ZXDA: variants seen among roughly 807,000 people sequenced by gnomAD.
ZXDA encodes zinc finger X-linked protein ZXDA.
ZXDA carries 5 observed loss-of-function variants against 10.1 expected under a neutral mutation model. The observed-to-expected ratio is 0.50, with a 90% CI of 0.26 to 1.04. ZXDA has a LOEUF of 1.04. Ranked by LOEUF, ZXDA falls within the 50% of genes least tolerant of loss-of-function variation. The pLI is 0.14. For synonymous variants in ZXDA, 266 were observed against 313.1 expected (o/e 0.85, Z 1.59); for missense variants, 501 against 672.4 (o/e 0.75, Z 2.82).
Position 57,907,207 on chromosome X carries a change from G to A in ZXDA, c.*814C>T, listed in dbSNP as rs1234030352. ...CTCCCCTTTGAGGAGGGAAAACAAG[G>A]GGCAGGAAAGGGAATGAAGATTCAC... On this transcript the variant is annotated 3_prime_UTR_variant, in exon 1 of 1. Coordinates refer to ENST00000358697, the MANE Select transcript of ZXDA (RefSeq NM_007156.5). The A allele has an allele frequency of 1.1e-4, 12 of 112,594 alleles. No homozygotes were observed. Among genetic ancestry groups the A allele is most frequent in the Non-Finnish European group, 2.3e-4 (12 of 53,249 alleles). The allele number at this position is 112,594 out of a possible 1,213,427, so 9.3% of individuals were successfully genotyped here.
chrX:57,909,969 G>A lies in ZXDA; in HGVS notation c.452C>T (p.Pro151Leu), dbSNP rs1223366178. ...CGCGGCGGGGCCGGGGGCGGAGATC[G>A]GGGCCGGAGTGGGAACCGCGGACAG... Reference protein sequence around the residue: ...HCLSAVPTPAPISAPGPAAAF... With the variant: ...HCLSAVPTPALISAPGPAAAF... Residue 151 changes from proline to leucine, a missense_variant, in exon 1 of 1, where the codon CCG becomes CTG. Pro to Leu is a moderately conservative substitution (Grantham distance 98). Coordinates refer to ENST00000358697, the MANE Select transcript of ZXDA (RefSeq NM_007156.5). 1 of 1,147,480 alleles carries A rather than the reference G, an allele frequency of 8.7e-7. No homozygotes were observed. The highest frequency in any genetic ancestry group is 1.2e-6 in the Non-Finnish European group (1 of 868,188). 94.6% of individuals were successfully genotyped at this position (1,147,480 alleles called of 1,213,427 possible). A position where few individuals can be genotyped will look rare whatever the true frequency, so the allele number is the denominator to read the frequency against.
rs746686550 is a variant in ZXDA, at chrX:57,908,121, T to C, written c.2300A>G (p.Glu767Gly). ...VHPNSDFFGQ[E>G]GETQFGFPNA... ...GGGGAATCCAAACTGGGTTTCTCCC[T>C]CCTGTCCAAAGAAGTCAGAGTTAGG... Residue 767 changes from glutamate to glycine, a missense_variant, in exon 1 of 1, where the codon GAG becomes GGG. Coordinates refer to ENST00000358697, the MANE Select transcript of ZXDA (RefSeq NM_007156.5). 5.3e-5 allele frequency: 64 copies of C among 1,210,645 alleles called. No individual in the cohort carries two copies. The Admixed American group carries it at 1.4e-3, about 26-fold the overall frequency.
chrX:57,909,641 A>G lies in ZXDA; in HGVS notation c.780T>C (p.Ser260=), dbSNP rs757704103. ...ACAGGTACAGCACCACGCCTGGACCAGAGCCCAGCAGTCCGCGGGGGCCCA... is the reference window on the plus strand; with the variant it reads ...ACAGGTACAGCACCACGCCTGGACCGGAGCCCAGCAGTCCGCGGGGGCCCA... The part of the protein sequence containing the change: ...AALGPRGLLG[S]GPGVVLYLCP... The change falls in exon 1 of 1, where the codon TCT becomes TCC. Residue 260 remains serine, a synonymous_variant. Coordinates refer to ENST00000358697, the MANE Select transcript of ZXDA (RefSeq NM_007156.5). 2.1e-4 allele frequency: 251 copies of G among 1,193,377 alleles called. 1 individual carries two copies. The highest frequency in any genetic ancestry group is 1.8e-3 in the Admixed American group (81 of 43,807).
Position 57,909,769 on chromosome X carries a change from C to T in ZXDA, c.652G>A (p.Gly218Ser), listed in dbSNP as rs1297395072. ...QAGFPQAAHP[G>S]DCPELRSDLL... ...TCGGACCGCAGCTCTGGGCAGTCAC[C>T]CGGGTGCGCGGCTTGCGGGAACCCA... Residue 218 changes from glycine to serine, a missense_variant, in exon 1 of 1, where the codon GGT (glycine) becomes AGT (serine). Physicochemically the swap from Gly to Ser is moderately conservative, Grantham distance 56. Transcript: ENST00000358697. The T allele has an allele frequency of 1.7e-6, 2 of 1,196,159 alleles. No homozygotes were observed. Among genetic ancestry groups the T allele is most frequent in the Non-Finnish European group, 2.2e-6 (2 of 889,208 alleles).
rs1447726510 is a variant in ZXDA at position 57,910,088 on chromosome X, A to T, written c.333T>A (p.Pro111=). 1.2e-5 allele frequency: 14 copies of T among 1,193,100 alleles called. No homozygotes were observed. The highest frequency in any genetic ancestry group is 1.5e-5 in the Non-Finnish European group (13 of 891,031). ...ETAGSGQAAG[P]VLREEAKAGP... is the part of the protein sequence containing the mutation. ...CCGCCTTGGCCTCCTCCCTCAACACAGGCCCTGCGGCCTGACCGGAGCCCG... is the reference window on the plus strand; with the variant it reads ...CCGCCTTGGCCTCCTCCCTCAACACTGGCCCTGCGGCCTGACCGGAGCCCG... Residue 111 remains proline, a synonymous_variant, in exon 1 of 1, where the codon CCT becomes CCA. Coordinates refer to ENST00000358697, the MANE Select transcript of ZXDA (RefSeq NM_007156.5).
Position 57,909,551 on chromosome X carries a change from C to T in ZXDA, c.870G>A (p.Thr290=), listed in dbSNP as rs2014399188. 2 of 1,206,093 alleles carry T rather than the reference C, an allele frequency of 1.7e-6. No homozygotes were observed. Among genetic ancestry groups the T allele is most frequent in the Non-Finnish European group, 2.2e-6 (2 of 893,101 alleles). The part of the protein sequence containing the change: ...KKHQLKMHLL[T]HSSSQGQRPF... ...GCCTCTGGCCCTGGCTGCTGCTGTG[C>T]GTCAGCAGGTGCATCTTCAGCTGGT... is the stretch of plus-strand genomic sequence containing the variant. Residue 290 remains threonine (T), a synonymous_variant, in exon 1 of 1, where the codon ACG becomes ACA. Transcript: ENST00000358697.
At position 57,910,255 on chromosome X, in the gene ZXDA, C is replaced by T; in HGVS notation, c.166G>A (p.Gly56Arg). 1 of 1,117,599 alleles carries T rather than the reference C, an allele frequency of 8.9e-7. No individual in the cohort carries two copies. The allele number at this position is 1,117,599 out of a possible 1,213,427, so 92.1% of individuals were successfully genotyped here. A position where few individuals can be genotyped will look rare whatever the true frequency, so the allele number is the denominator to read the frequency against. ...GTGCTGGCCTCCTCGCGCCGCCGCCCGGGCCCGCCATCTTGGGGGCCCCGG... is the reference window on the plus strand; with the variant it reads ...GTGCTGGCCTCCTCGCGCCGCCGCCTGGGCCCGCCATCTTGGGGGCCCCGG... ...LPRGPQDGGP[G>R]RRREEASTAS... The change falls in exon 1 of 1, where the codon GGG (glycine) becomes AGG (arginine). Residue 56 changes from glycine (G) to arginine (R), a missense_variant. Gly to Arg is a moderately radical substitution (Grantham distance 125, BLOSUM62 -2). Coordinates refer to ENST00000358697, the MANE Select transcript of ZXDA (RefSeq NM_007156.5).
Position 57,909,321 on chromosome X carries a change from T to C in ZXDA, c.1100A>G (p.Glu367Gly), listed in dbSNP as rs1318854890. 3.1e-5 allele frequency: 38 copies of C among 1,212,068 alleles called. No individual in the cohort carries two copies. Among genetic ancestry groups the C allele is most frequent in the Non-Finnish European group, 4.2e-5 (38 of 895,605 alleles). Residue 367 changes from glutamate to glycine, a missense_variant, in exon 1 of 1, where the codon GAG (glutamate) becomes GGG (glycine). Glu to Gly is a moderately conservative substitution (Grantham distance 98, BLOSUM62 -2). Transcript: ENST00000358697. ...ENSFKCEVCE[E>G]SFPTQAKLGA... ...GAGTTTGGCCTGCGTGGGGAAGCTCTCCTCGCACACCTCACATTTGAACGA... is the reference window on the plus strand; with the variant it reads ...GAGTTTGGCCTGCGTGGGGAAGCTCCCCTCGCACACCTCACATTTGAACGA...
In ZXDA at chrX:57,907,956, C is replaced by T. The variant is rs767340192; in HGVS notation, c.*65G>A. Reference sequence around the variant, plus strand: ...AATGACTGCACTTAAATATTTAGTCCAGAATATCCTCAAAATTGACTGTAA... The same window carrying T: ...AATGACTGCACTTAAATATTTAGTCTAGAATATCCTCAAAATTGACTGTAA... On this transcript the variant is annotated 3_prime_UTR_variant, in exon 1 of 1. Coordinates refer to ENST00000358697, the MANE Select transcript of ZXDA (RefSeq NM_007156.5). The T allele has an allele frequency of 1.6e-3, 1,879 of 1,140,901 alleles. 2 individuals are homozygous for T. The highest frequency in any genetic ancestry group is 2.0e-3 in the Non-Finnish European group (1,714 of 856,956). 94.0% of individuals were successfully genotyped at this position (1,140,901 alleles called of 1,213,427 possible). A position where few individuals can be genotyped will look rare whatever the true frequency, so the allele number is the denominator to read the frequency against.
In ZXDA at chrX:57,907,699, C is replaced by T; in HGVS notation, c.*322G>A. On this transcript the variant is annotated 3_prime_UTR_variant, in exon 1 of 1. Transcript: ENST00000358697. Reference sequence around the variant, plus strand: ...CAAACAATAATAATTGCAAAATGCCCGAAAATTTTCAAGAAAAAGCACAAA... The same window carrying T: ...CAAACAATAATAATTGCAAAATGCCTGAAAATTTTCAAGAAAAAGCACAAA... The T allele has an allele frequency of 5.1e-6, 1 of 197,603 alleles. No homozygotes were observed. Among genetic ancestry groups the T allele is most frequent in the Non-Finnish European group, 9.3e-6 (1 of 107,782 alleles). The allele number at this position is 197,603 out of a possible 1,213,427, so 16.3% of individuals were successfully genotyped here.
At position 57,908,320 on chromosome X, in the gene ZXDA, G is replaced by A. The variant is rs1305154799; in HGVS notation, c.2101C>T (p.Pro701Ser). The change falls in exon 1 of 1, where the codon CCA becomes TCA. Residue 701 changes from proline (P) to serine (S), a missense_variant. Around this residue, in one of 5 missense-constraint regions of ZXDA, gnomAD observed 18 missense variants for 92.7 expected, o/e 0.19. Coordinates refer to ENST00000358697, the MANE Select transcript of ZXDA (RefSeq NM_007156.5). ...MDEVSSVSVG[P>S]LGSLDSLAMK... ...GCCAAAGAGTCCAGAGATCCCAATGGCCCCACACTTACACTTGAGACCTCA... is the reference window on the plus strand; with the variant it reads ...GCCAAAGAGTCCAGAGATCCCAATGACCCCACACTTACACTTGAGACCTCA... The A allele has an allele frequency of 2.1e-5, 25 of 1,195,700 alleles. No homozygotes were observed. Among genetic ancestry groups the A allele is most frequent in the Non-Finnish European group, 2.8e-5 (25 of 885,970 alleles).
Position 57,909,936 on chromosome X carries a change from G to A in ZXDA, c.485C>T (p.Ala162Val), listed in dbSNP as rs1414111742. 2 of 1,175,044 alleles carry A rather than the reference G, an allele frequency of 1.7e-6. No homozygotes were observed. Among genetic ancestry groups the A allele is most frequent in the Non-Finnish European group, 2.3e-6 (2 of 880,476 alleles). Residue 162 changes from alanine to valine, a missense_variant, in exon 1 of 1, where the codon GCG becomes GTG. This residue lies in a region of ZXDA where 251 missense variants were observed against 221.6 expected (regional missense o/e 1.13). Coordinates refer to ENST00000358697, the MANE Select transcript of ZXDA (RefSeq NM_007156.5). ...ISAPGPAAAF[A>V]GTVTIHNQDL... ...CTGGTTGTGGATAGTGACTGTGCCC[G>A]CGAAGGCCGCGGCGGGGCCGGGGGC...
Position 57,907,071 on chromosome X carries a change from T to C in ZXDA, c.*950A>G, listed in dbSNP as rs2146907321. On this transcript the variant is annotated 3_prime_UTR_variant, in exon 1 of 1. Transcript: ENST00000358697. ...CATGTGGCCAATGCCACAAAAGAAC[T>C]GTGTGTAGAAAAATCCTTAATCTGT... The C allele has an allele frequency of 8.9e-6, 1 of 112,991 alleles. No homozygotes were observed. Among genetic ancestry groups the C allele is most frequent in the African/African-American group, 3.2e-5 (1 of 31,032 alleles). 9.3% of individuals were successfully genotyped at this position (112,991 alleles called of 1,213,427 possible). A position where few individuals can be genotyped will look rare whatever the true frequency, so the allele number is the denominator to read the frequency against.
At position 57,909,716 on chromosome X, in the gene ZXDA, G is replaced by T. The variant is rs1357191125; in HGVS notation, c.705C>A (p.Pro235=). 2 of 1,180,888 alleles carry T rather than the reference G, an allele frequency of 1.7e-6. No individual in the cohort carries two copies. The highest frequency in any genetic ancestry group is 1.8e-5 in the African/African-American group (1 of 56,835). Residue 235 remains proline (P), a synonymous_variant, in exon 1 of 1, where the codon CCC becomes CCA. Transcript: ENST00000358697. Reference sequence around the variant, plus strand: ...CCTCCTGGGGCGCCGGAGCAGGCGCGGGTTCTGCGGGCTCGGCTAGCAGGA... The same window carrying T: ...CCTCCTGGGGCGCCGGAGCAGGCGCTGGTTCTGCGGGCTCGGCTAGCAGGA... ...SDLLLAEPAE[P]APAPAPQEEA...
chrX:57,909,851 G>C lies in ZXDA; in HGVS notation c.570C>G (p.Ala190=). 2 of 1,200,271 alleles carry C rather than the reference G, an allele frequency of 1.7e-6. No individual in the cohort carries two copies. The highest frequency in any genetic ancestry group is 2.2e-6 in the Non-Finnish European group (2 of 891,716). The change falls in exon 1 of 1, where the codon GCC becomes GCG. Residue 190 remains alanine (A), a synonymous_variant. Coordinates refer to ENST00000358697, the MANE Select transcript of ZXDA (RefSeq NM_007156.5). ...GGGCAGGAGCGGCCCCTGGCTCCCA[G>C]GCGTGTGGTGGGGGCGTGGCCAGGG... The part of the protein sequence containing the change: ...VLTLATPPPH[A]WEPGAAPAQQ...
At position 57,908,225 on chromosome X, in the gene ZXDA, A is replaced by G. The variant is rs775719100; in HGVS notation, c.2196T>C (p.Thr732=). ...PSSKLTVDTD[T]LTPSSTLCEN... is the part of the protein sequence containing the mutation. ...CACAAAGGGTGCTCGAAGGAGTCAG[A>G]GTATCTGTGTCCACTGTTAGCTTAC... The change falls in exon 1 of 1, where the codon ACT becomes ACC. Residue 732 remains threonine (T), a synonymous_variant. Coordinates refer to ENST00000358697, the MANE Select transcript of ZXDA (RefSeq NM_007156.5). 1.2e-5 allele frequency: 14 copies of G among 1,209,524 alleles called. No homozygotes were observed. The highest frequency in any genetic ancestry group is 8.7e-5 in the Admixed American group (4 of 45,753).
rs1033632700 is a variant in ZXDA, at chrX:57,906,856, T to A, written c.*1165A>T. 8.9e-6 allele frequency: 1 copy of A among 111,803 alleles called. No homozygotes were observed. Among genetic ancestry groups the A allele is most frequent in the African/African-American group, 3.3e-5 (1 of 30,730 alleles). 9.2% of individuals were successfully genotyped at this position (111,803 alleles called of 1,213,427 possible). On this transcript the variant is annotated 3_prime_UTR_variant, in exon 1 of 1. Transcript: ENST00000358697. ...CTCACATAAGATAGATGGTATCTACTCAAAATGCAGACAAAACCCTCTCAT... is the reference window on the plus strand; with the variant it reads ...CTCACATAAGATAGATGGTATCTACACAAAATGCAGACAAAACCCTCTCAT...
rs2014354470 is a variant in ZXDA at position 57,905,442 on chromosome X, AT to A, written c.*2578del. Among the ~76,000 whole-genome samples, 1 of 111,957 alleles carries A rather than the reference AT, an allele frequency of 8.9e-6. No individual in the cohort carries two copies. The highest frequency in any genetic ancestry group is 3.7e-4 in the South Asian group (1 of 2,687). On this transcript the variant is annotated 3_prime_UTR_variant, in exon 1 of 1. Coordinates refer to ENST00000358697, the MANE Select transcript of ZXDA (RefSeq NM_007156.5). The stretch of plus-strand genomic sequence containing the variant: ...CCAGAATCAAACCTTCCTGCAAGGC[AT>A]TTTTTATTGTGTTTTCAATTGGCAA...
Position 57,909,702 on chromosome X carries a change from G to C in ZXDA, c.719C>G (p.Ala240Gly). ...AEPAEPAPAP[A>G]PQEEAEGLAA... ...CAGGCCCTCCGCCTCCTCCTGGGGC[G>C]CCGGAGCAGGCGCGGGTTCTGCGGG... is the stretch of plus-strand genomic sequence containing the variant. Residue 240 changes from alanine (A) to glycine (G), a missense_variant, in exon 1 of 1, where the codon GCG (alanine) becomes GGG (glycine). Physicochemically the swap from Ala to Gly is moderately conservative, Grantham distance 60. Around this residue, in one of 5 missense-constraint regions of ZXDA, gnomAD observed 251 missense variants for 221.6 expected, o/e 1.13. Transcript: ENST00000358697. The C allele has an allele frequency of 1.7e-6, 2 of 1,178,301 alleles. 1 individual carries two copies.
Sources: gnomAD v4.1 joint callset for allele counts (sites outside exome capture counted in the v4.1 genomes callset) on GRCh38, gnomAD v4.1.1 for gene constraint, gnomAD v4.1.1 regional missense constraint, MANE v1.5 for transcripts, NCBI Gene and HGNC (gene_info 2026-07-23, HGNC 2026-07-21) for gene names.